COL11A1: variants seen among roughly 807,000 people sequenced by gnomAD.
The protein encoded by COL11A1 is collagen type XI alpha 1 chain.
A neutral mutation model predicts 265.2 loss-of-function variants in COL11A1; 74 were observed. The ratio of observed to expected loss-of-function variants is 0.28; its 90% CI spans 0.23 to 0.34. COL11A1 has a LOEUF of 0.34. Ranked by LOEUF, COL11A1 falls within the 10% of genes least tolerant of loss-of-function variation. The probability of loss-of-function intolerance (pLI) is 1.00; values close to 1 mark genes in which losing one functional copy is unlikely to be tolerated. For synonymous variants in COL11A1, 816 were observed against 727.6 expected, an observed-to-expected ratio of 1.12 and a Z score of -1.96; for missense variants, 2,165 against 2,263.6, an observed-to-expected ratio of 0.96 and a Z score of 0.88.
intron 4 of COL11A1, 88 bp downstream of exon 4, chr1:103,074,530 C>G: frequency 1.4e-6 from 2 of 1,447,330 alleles, no homozygotes; most frequent in South Asian, 1.2e-5. Context: ...TGCTTTATAA[C>G]GTATTGCTAT....
chr1:103,105,898 G>T (rs564291890), intron 1 of COL11A1, among the ~76,000 whole-genome samples: 20 of 152,214 alleles, frequency 1.3e-4, no homozygotes, highest in Middle Eastern at 6.8e-3. Flanking sequence ...GGAAAAATGA[G>T]CACTAAACAG....
chr1:103,094,214 G>T (rs183219327), intron 1 of COL11A1, among the ~76,000 whole-genome samples: 26 of 152,216 alleles, frequency 1.7e-4, no homozygotes, highest in African/African-American at 6.3e-4. Context: ...CCACACAAGA[G>T]TAATTAGCAG....
chr1:103,024,633 G>C (rs973919843), intron 7 of COL11A1, among the ~76,000 whole-genome samples: 6 of 151,974 alleles, frequency 3.9e-5, no homozygotes, highest in Non-Finnish European at 7.4e-5. Context: ...ATTTGGTTAG[G>C]TAAATGGACA....
rs575076671 is a variant in COL11A1 at position 102,905,276 on chromosome 1, T to C, written c.4087-6282A>G. On this transcript the variant is annotated intron_variant, in intron 54 of 66. Coordinates refer to ENST00000370096, the MANE Select transcript of COL11A1 (RefSeq NM_001854.4). ...ATTAGGAGATATACCTAATGCTAAA[T>C]GACGAGTTACTGGGTGCAGCACACC... is the stretch of plus-strand genomic sequence containing the variant. Among the ~76,000 whole-genome samples, 7 of 147,776 alleles carry C rather than the reference T, an allele frequency of 4.7e-5. No individual in the cohort carries two copies. In the East Asian group the frequency reaches 1.0e-3, roughly 22 times the overall value.
At chr1:102,931,902 C>T (rs1181863092) in intron 46 of COL11A1, among the ~76,000 whole-genome samples, 3 of 151,420 alleles carry the variant, frequency 2.0e-5, no homozygotes, top group Non-Finnish European at 4.4e-5. Flanking sequence ...TTATCAGAGA[C>T]TAGGATTGCA....
At chr1:103,052,022 A>C (rs1669873490) in intron 4 of COL11A1, among the ~76,000 whole-genome samples, 1 of 152,154 alleles carries the variant, frequency 6.6e-6, no homozygotes, top group Non-Finnish European at 1.5e-5. Context: ...CTATGTGCTA[A>C]AGGCCAAAAA....
chr1:102,885,169 A>G (rs760895720), intron 63 of COL11A1, among the ~76,000 whole-genome samples: 1 of 152,156 alleles, frequency 6.6e-6, no homozygotes, highest in Non-Finnish European at 1.5e-5. Context: ...ATAAAATCAG[A>G]TAGCTTCCTC....
chr1:102,991,435 T>C (rs889853881), intron 28 of COL11A1, among the ~76,000 whole-genome samples: 8 of 127,458 alleles, frequency 6.3e-5, no homozygotes, highest in African/African-American at 2.0e-4. Context: ...GGCACCTCCC[T>C]TCACCACGTG....
chr1:103,029,572 T>C (rs1414853497), intron 5 of COL11A1, among the ~76,000 whole-genome samples: 5 of 152,102 alleles, frequency 3.3e-5, no homozygotes, highest in Middle Eastern at 6.8e-3. Context: ...AAAAAACTTT[T>C]TCATTATGAC....
At position 102,967,227 on chromosome 1, in the gene COL11A1, C is replaced by CTTTTTTTTTTTTTTTTTTTTT. The variant is rs35303945; in HGVS notation, c.2863-1708_2863-1688dup. 2.5e-4 allele frequency among the ~76,000 whole-genome samples: 13 copies of CTTTTTTTTTTTTTTTTTTTTT among 52,754 alleles called. 5 individuals are homozygous for CTTTTTTTTTTTTTTTTTTTTT. The highest frequency in any genetic ancestry group is 2.2e-3 in the South Asian group (2 of 926). 34.6% of individuals were successfully genotyped at this position (52,754 alleles called of 152,430 possible). A position where few individuals can be genotyped will look rare whatever the true frequency, so the allele number is the denominator to read the frequency against. On this transcript the variant is annotated intron_variant, in intron 37 of 66. Coordinates refer to ENST00000370096, the MANE Select transcript of COL11A1 (RefSeq NM_001854.4). ...CCCACAAAACCAAACATAATAAATT[C>CTTTTTTTTTTTTTTTTTTTTT]TTTTTTTTTTTTTTTTTTTTTTTTT...
At chr1:103,006,738 C>CA (rs556921544) in intron 15 of COL11A1, among the ~76,000 whole-genome samples, 60 of 152,064 alleles carry the variant, frequency 3.9e-4, no homozygotes, top group Non-Finnish European at 5.6e-4. Flanking sequence ...GGGGTTTCAC[C>CA]AGCATGGTCT....
intron 18 of COL11A1, among the ~76,000 whole-genome samples, chr1:103,005,386 T>A (rs982431560): frequency 3.3e-5 from 5 of 152,144 alleles, no homozygotes; most frequent in African/African-American, 1.2e-4. Context: ...TGCCTTGTAC[T>A]GAAAGTTTTT....
At chr1:103,021,808 A>C in intron 8 of COL11A1, 39 bp from the exon 9 acceptor site, 1 of 1,355,794 alleles carries the variant, frequency 7.4e-7, no homozygotes, top group East Asian at 2.3e-5. Flanking sequence ...AAATGTCTGT[A>C]AGACCATTTC....
intron 35 of COL11A1, among the ~76,000 whole-genome samples, chr1:102,977,446 T>C (rs1662606808): frequency 1.3e-5 from 2 of 152,166 alleles, no homozygotes; most frequent in Non-Finnish European, 2.9e-5. Context: ...AAAGTAATCA[T>C]ACTGTTGGAT....
chr1:103,078,896 A>C (rs1197759129), intron 2 of COL11A1, 25 bp from the exon 3 acceptor site: 1 of 1,526,774 alleles, frequency 6.5e-7, no homozygotes, highest in South Asian at 1.1e-5. Flanking sequence ...CCAAAGAGTT[A>C]GAAATTTCCA....
intron 24 of COL11A1, 118 bp downstream of exon 24, chr1:103,001,807 C>T (rs1665131526): frequency 1.2e-6 from 1 of 862,902 alleles, no homozygotes; most frequent in African/African-American, 1.7e-5. Flanking sequence ...AGATTAATTC[C>T]TTATGTGCTG....
intron 4 of COL11A1, among the ~76,000 whole-genome samples, chr1:103,048,261 A>T (rs938030204): frequency 6.6e-6 from 1 of 152,140 alleles, no homozygotes; most frequent in Non-Finnish European, 1.5e-5. Flanking sequence ...TAAGCTATTG[A>T]TTATTGCCTT....
intron 54 of COL11A1, among the ~76,000 whole-genome samples, chr1:102,900,800 A>G (rs1346653682): frequency 6.6e-6 from 1 of 152,210 alleles, no homozygotes; most frequent in Non-Finnish European, 1.5e-5. Context: ...CCTTCTGTGA[A>G]CAAATATCTG....
chr1:103,052,484 T>G (rs995068484), intron 4 of COL11A1, among the ~76,000 whole-genome samples: 1 of 152,216 alleles, frequency 6.6e-6, no homozygotes, highest in African/African-American at 2.4e-5. Flanking sequence ...AATGTCCTTT[T>G]ATTTTTACTA....
Sources: allele counts gnomAD v4.1 joint callset (sites outside exome capture counted in the v4.1 genomes callset), GRCh38; gene constraint gnomAD v4.1.1; transcripts MANE v1.5; gene names NCBI Gene and HGNC (gene_info 2026-07-23, HGNC 2026-07-21).